The following GALNTL6 variants were observed in gnomAD, a reference collection of about 807,000 sequenced individuals.
GALNTL6 encodes polypeptide N-acetylgalactosaminyltransferase-like 6.
A neutral mutation model predicts 73.7 loss-of-function variants in GALNTL6; 46 were observed. The ratio of observed to expected loss-of-function variants is 0.62; its 90% CI spans 0.49 to 0.80. The LOEUF (loss-of-function observed/expected upper bound fraction) is 0.80. Ranked by LOEUF, GALNTL6 falls within the 30% of genes least tolerant of loss-of-function variation. GALNTL6 has a pLI of 0.00. For synonymous variants in GALNTL6, 259 were observed against 263.7 expected, an observed-to-expected ratio of 0.98 and a Z score of 0.17; for missense variants, 604 against 755.0, an observed-to-expected ratio of 0.80 and a Z score of 2.34.
intron 8 of GALNTL6, among the ~76,000 whole-genome samples, chr4:172,912,037 T>A (rs2169008): frequency 0.048 from 7,300 of 152,242 alleles, 487 homozygotes; most frequent in African/African-American, 0.15. Context: ...AAATGAAATA[T>A]AATCTAATCA....
At chr4:171,871,369 G>C (rs1471497627) in intron 2 of GALNTL6, among the ~76,000 whole-genome samples, 1 of 152,130 alleles carries the variant, frequency 6.6e-6, no homozygotes, top group Non-Finnish European at 1.5e-5. Context: ...GATATTTTCT[G>C]TAACATTTTC....
intron 2 of GALNTL6, among the ~76,000 whole-genome samples, chr4:171,872,459 G>T (rs1457333701): frequency 6.6e-6 from 1 of 152,124 alleles, no homozygotes; most frequent in East Asian, 1.9e-4. Flanking sequence ...ATTCAATAAA[G>T]AAAGGGACTT....
chr4:171,929,775 C>T (rs1043165304), intron 2 of GALNTL6, among the ~76,000 whole-genome samples: 21 of 152,222 alleles, frequency 1.4e-4, no homozygotes, highest in African/African-American at 3.9e-4. Context: ...CCTGGAGAGA[C>T]TGCAGCAGCC....
chr4:172,334,678 A>C (rs377737373), intron 4 of GALNTL6, among the ~76,000 whole-genome samples: 1 of 152,146 alleles, frequency 6.6e-6, no homozygotes, highest in Admixed American at 6.6e-5. Flanking sequence ...AGAAGAAAAA[A>C]AATTTGATTT....
intron 2 of GALNTL6, among the ~76,000 whole-genome samples, chr4:172,065,525 CT>C (rs1201376583): frequency 6.6e-6 from 1 of 151,780 alleles, no homozygotes; most frequent in African/African-American, 2.4e-5. Flanking sequence ...TGGTTGTAGT[CT>C]TTGTAACCTT....
intron 6 of GALNTL6, among the ~76,000 whole-genome samples, chr4:172,811,179 T>C (rs559549625): frequency 5.3e-4 from 81 of 152,338 alleles, no homozygotes; most frequent in South Asian, 4.8e-3. Context: ...ATTTTTCACC[T>C]TGGGATTATA....
At position 172,071,442 on chromosome 4, in the gene GALNTL6, C is replaced by T. The variant is rs1731531965; in HGVS notation, c.139-158214C>T. On this transcript the variant is annotated intron_variant, in intron 2 of 12. Transcript: ENST00000506823. ...ATCCTGTCAGAACCCCTGTGTCTTA[C>T]GTTAGCTTGTCTCATGTTCCTTGTA... 1.8e-5 allele frequency among the ~76,000 whole-genome samples: 2 copies of T among 110,442 alleles called. 1 individual carries two copies. The highest frequency in any genetic ancestry group is 4.0e-5 in the Non-Finnish European group (2 of 49,532). 72.5% of individuals were successfully genotyped at this position (110,442 alleles called of 152,430 possible).
chr4:172,318,101 A>G (rs1740629265), intron 4 of GALNTL6, among the ~76,000 whole-genome samples: 1 of 152,236 alleles, frequency 6.6e-6, no homozygotes, highest in Admixed American at 6.5e-5. Context: ...GCCATCTCTC[A>G]AAACTGTTAT....
intron 2 of GALNTL6, among the ~76,000 whole-genome samples, chr4:171,855,072 C>A (rs913936599): frequency 6.6e-6 from 1 of 151,972 alleles, no homozygotes; most frequent in South Asian, 2.1e-4. Flanking sequence ...TAGCATCTTG[C>A]ATTAGTGTTG....
intron 5 of GALNTL6, among the ~76,000 whole-genome samples, chr4:172,606,679 T>TATATATATAC (rs1738313019): frequency 4.9e-5 from 2 of 40,426 alleles, no homozygotes; most frequent in Non-Finnish European, 1.4e-4. Flanking sequence ...ATATATACTA[T>TATATATATAC]ATATATAGTA....
At chr4:172,788,287 C>T (rs1346990099) in intron 5 of GALNTL6, among the ~76,000 whole-genome samples, 4 of 152,164 alleles carry the variant, frequency 2.6e-5, no homozygotes, top group East Asian at 3.9e-4. Context: ...ACCATTTGAG[C>T]CCGGGAGTTT....
intron 5 of GALNTL6, among the ~76,000 whole-genome samples, chr4:172,372,107 C>G (rs1169994209): frequency 6.6e-6 from 1 of 152,202 alleles, no homozygotes; most frequent in Non-Finnish European, 1.5e-5. Context: ...ATGGTTACAT[C>G]ACTAACTATG....
intron 2 of GALNTL6, among the ~76,000 whole-genome samples, chr4:171,853,891 C>G (rs1233274763): frequency 6.6e-6 from 1 of 152,036 alleles, no homozygotes; most frequent in Non-Finnish European, 1.5e-5. Context: ...GGATTACAGG[C>G]GTGAGCCACC....
intron 5 of GALNTL6, among the ~76,000 whole-genome samples, chr4:172,636,478 G>A (rs896628229): frequency 1.8e-4 from 27 of 152,112 alleles, no homozygotes; most frequent in Admixed American, 1.6e-3. Context: ...GGGCAGGCCC[G>A]GTGTACTCAC....
chr4:172,621,425 GTTC>G (rs769576025), intron 5 of GALNTL6, among the ~76,000 whole-genome samples: 82 of 152,122 alleles, frequency 5.4e-4, no homozygotes, highest in Non-Finnish European at 9.1e-4. Flanking sequence ...CTGCAGGTTA[GTTC>G]TTGTCTTTCA....
At chr4:171,933,801 T>C (rs1269895334) in intron 2 of GALNTL6, among the ~76,000 whole-genome samples, 12 of 152,172 alleles carry the variant, frequency 7.9e-5, no homozygotes, top group African/African-American at 2.9e-4. Context: ...ATGTCATCTC[T>C]CTATAACCTA....
chr4:172,107,834 A>G (rs1732727379), intron 2 of GALNTL6, among the ~76,000 whole-genome samples: 1 of 152,182 alleles, frequency 6.6e-6, no homozygotes, highest in South Asian at 2.1e-4. Context: ...AATTGAAAAA[A>G]AATAGTAAGC....
At chr4:172,695,930 G>T (rs576220511) in intron 5 of GALNTL6, among the ~76,000 whole-genome samples, 2 of 151,964 alleles carry the variant, frequency 1.3e-5, no homozygotes, top group East Asian at 1.9e-4. Flanking sequence ...TCCAGCCTGG[G>T]CAACAGAGCG....
intron 2 of GALNTL6, among the ~76,000 whole-genome samples, chr4:172,036,963 A>C (rs1012627799): frequency 6.6e-6 from 1 of 151,940 alleles, no homozygotes; most frequent in African/African-American, 2.4e-5. Context: ...CTTTTTATTC[A>C]TCTTTCCTTG....
Sources: gnomAD v4.1 joint callset for allele counts (sites outside exome capture counted in the v4.1 genomes callset) on GRCh38, gnomAD v4.1.1 for gene constraint, MANE v1.5 for transcripts, NCBI Gene and HGNC (gene_info 2026-07-23, HGNC 2026-07-21) for gene names.